TSHR: variants seen among roughly 807,000 people sequenced by gnomAD.
TSHR encodes the protein thyroid stimulating hormone receptor.
Under a neutral mutation model 64.1 loss-of-function variants are expected in TSHR, and 51 were observed. The ratio of observed to expected loss-of-function variants is 0.80; its 90% CI spans 0.64 to 1.01. TSHR has a LOEUF of 1.01. Ranked by LOEUF, TSHR falls within the 50% of genes least tolerant of loss-of-function variation. The probability of loss-of-function intolerance (pLI) is 0.00; values close to 1 mark genes in which losing one functional copy is unlikely to be tolerated. For synonymous variants in TSHR, 361 were observed against 361.9 expected (o/e 1.00, Z 0.03); for missense variants, 877 against 942.8 (o/e 0.93, Z 0.91).
chr14:81,069,863 A>G (rs1886933582), intron 3 of TSHR, among the ~76,000 whole-genome samples: 1 of 152,264 alleles, frequency 6.6e-6, no homozygotes, highest in Non-Finnish European at 1.5e-5. Flanking sequence ...AATATTGGTT[A>G]TCAGACACAG....
chr14:81,075,544 T>C (rs973907075), intron 3 of TSHR, among the ~76,000 whole-genome samples: 3 of 152,020 alleles, frequency 2.0e-5, no homozygotes, highest in African/African-American at 7.2e-5. Context: ...GTGCACATTG[T>C]GCAGGTTAGT....
intron 1 of TSHR, among the ~76,000 whole-genome samples, chr14:81,034,023 C>T (rs1884496216): frequency 6.6e-6 from 1 of 152,180 alleles, no homozygotes; most frequent in South Asian, 2.1e-4. Context: ...TAAAGTTTGG[C>T]AAGACCTATC....
chr14:81,067,483 T>TTTTATATATATATATATATATATATA (rs1555376189), intron 2 of TSHR, among the ~76,000 whole-genome samples: 1 of 134,976 alleles, frequency 7.4e-6, no homozygotes, highest in African/African-American at 2.9e-5. Flanking sequence ...GTTTATAGTT[T>TTTTATATATATATATATATATATATA]TATATATATA....
At chr14:81,022,113 A>AG (rs1277821071) in intron 1 of TSHR, among the ~76,000 whole-genome samples, 2 of 150,080 alleles carry the variant, frequency 1.3e-5, no homozygotes, top group Admixed American at 6.6e-5. Context: ...ATACAAAAAA[A>AG]AAAAAAAAAA....
chr14:81,044,343 G>A (rs970276981), intron 1 of TSHR, among the ~76,000 whole-genome samples: 1 of 152,118 alleles, frequency 6.6e-6, no homozygotes, highest in Non-Finnish European at 1.5e-5. Flanking sequence ...CAACATCACT[G>A]ATCATTAGAA....
At chr14:81,096,041 C>CAAAAAAA (rs397853041) in intron 6 of TSHR, among the ~76,000 whole-genome samples, 1 of 68,396 alleles carries the variant, frequency 1.5e-5, no homozygotes. Flanking sequence ...GACCCTGTCT[C>CAAAAAAA]AAAAAAAAAA....
At chr14:81,068,662 A>G (rs1323238199) in intron 3 of TSHR, among the ~76,000 whole-genome samples, 1 of 152,202 alleles carries the variant, frequency 6.6e-6, no homozygotes, top group East Asian at 1.9e-4. Flanking sequence ...TGGTCTGTGC[A>G]AGATTCTACA....
intron 2 of TSHR, among the ~76,000 whole-genome samples, chr14:81,065,649 C>A (rs144669006): frequency 1.3e-5 from 2 of 152,242 alleles, no homozygotes; most frequent in African/African-American, 4.8e-5. Flanking sequence ...ATCCCATTTA[C>A]CTTGTACATT....
chr14:81,023,583 T>C (rs1883887696), intron 1 of TSHR, among the ~76,000 whole-genome samples: 1 of 152,138 alleles, frequency 6.6e-6, no homozygotes, highest in South Asian at 2.1e-4. Context: ...GCCAGGGGCA[T>C]TGTTCAATAT....
intron 8 of TSHR, among the ~76,000 whole-genome samples, chr14:81,121,391 C>T (rs1287060709): frequency 6.6e-6 from 1 of 152,138 alleles, no homozygotes; most frequent in Non-Finnish European, 1.5e-5. Context: ...TCCAAACTAC[C>T]AATCAAGTAT....
At chr14:81,028,086 AAG>A (rs1884162771) in intron 1 of TSHR, among the ~76,000 whole-genome samples, 2 of 152,334 alleles carry the variant, frequency 1.3e-5, no homozygotes, top group South Asian at 4.1e-4. Flanking sequence ...TGTTTAAAGG[AAG>A]AGAGACCTTA....
intron 8 of TSHR, among the ~76,000 whole-genome samples, chr14:81,119,520 CA>C (rs1228051536): frequency 7.6e-6 from 1 of 132,258 alleles, no homozygotes; most frequent in Non-Finnish European, 1.6e-5. Flanking sequence ...ATTAAAAAGT[CA>C]GGAAACAACA....
intron 6 of TSHR, among the ~76,000 whole-genome samples, chr14:81,096,433 G>A (rs1889194932): frequency 6.6e-6 from 1 of 152,202 alleles, no homozygotes; most frequent in Admixed American, 6.5e-5. Flanking sequence ...TAGGAGCTAA[G>A]TCAGGAGAAT....
chr14:80,982,963 C>A, intron 1 of TSHR: 1 of 527,554 alleles, frequency 1.9e-6, no homozygotes, highest in Non-Finnish European at 3.5e-6. Flanking sequence ...GGAATTTGAA[C>A]AACTTGTTAA....
chr14:81,090,362 A>T (rs1888626787), intron 4 of TSHR, among the ~76,000 whole-genome samples: 2 of 152,194 alleles, frequency 1.3e-5, no homozygotes, highest in African/African-American at 4.8e-5. Flanking sequence ...CTCATGCCTC[A>T]GCCTCCCAAG....
intron 9 of TSHR, among the ~76,000 whole-genome samples, chr14:81,140,174 C>T (rs1891628212): frequency 6.6e-6 from 1 of 152,144 alleles, no homozygotes; most frequent in African/African-American, 2.4e-5. Context: ...TGTCCGGTTT[C>T]CAGGTACAAT....
intron 1 of TSHR, among the ~76,000 whole-genome samples, chr14:81,046,916 A>G (rs1885194265): frequency 6.6e-6 from 1 of 152,234 alleles, no homozygotes; most frequent in Admixed American, 6.5e-5. Flanking sequence ...GAATAACATC[A>G]TTAAAGTATT....
intron 8 of TSHR, among the ~76,000 whole-genome samples, chr14:81,124,789 A>G (rs1228421125): frequency 6.6e-6 from 1 of 152,010 alleles, no homozygotes; most frequent in Non-Finnish European, 1.5e-5. Context: ...AATGATGTTG[A>G]GCATCTTTTT....
At chr14:81,076,895 G>T (rs1040531811) in intron 3 of TSHR, among the ~76,000 whole-genome samples, 10 of 152,112 alleles carry the variant, frequency 6.6e-5, no homozygotes, top group Admixed American at 6.6e-4. Flanking sequence ...AGTTCAGCTG[G>T]TTCCTGCCCA....
Sources: allele counts gnomAD v4.1 joint callset (sites outside exome capture counted in the v4.1 genomes callset), GRCh38; gene constraint gnomAD v4.1.1; transcripts MANE v1.5; gene names NCBI Gene and HGNC (gene_info 2026-07-23, HGNC 2026-07-21).